Variants in TLK1 observed in about 807,000 individuals in gnomAD.
TLK1 encodes serine/threonine-protein kinase tousled-like 1.
Under a neutral mutation model 105.3 loss-of-function variants are expected in TLK1, and 24 were observed. The observed-to-expected ratio is 0.23, with a 90% confidence interval of 0.17 to 0.32. The LOEUF is 0.32. Among genes scored for constraint, TLK1 ranks in the 10% least tolerant of loss-of-function variants. The pLI, the probability that TLK1 is intolerant of heterozygous loss-of-function variation, is 1.00. For synonymous variants in TLK1, 321 were observed against 310.4 expected, an observed-to-expected ratio of 1.03 and a Z score of -0.36; for missense variants, 558 against 910.5, an observed-to-expected ratio of 0.61 and a Z score of 4.98.
At chr2:171,157,090 G>A (rs1692268254) in intron 1 of TLK1, among the ~76,000 whole-genome samples, 1 of 152,184 alleles carries the variant, frequency 6.6e-6, no homozygotes, top group African/African-American at 2.4e-5. Context: ...ACAGGCTTGA[G>A]CCACCACTCC....
chr2:171,184,382 C>T (rs1692984040), intron 1 of TLK1, among the ~76,000 whole-genome samples: 1 of 152,150 alleles, frequency 6.6e-6, no homozygotes, highest in South Asian at 2.1e-4. Flanking sequence ...GTGCCTCACG[C>T]CTGTGATCCC....
At chr2:171,103,282 A>ATATATATATAT (rs55949414) in intron 2 of TLK1, among the ~76,000 whole-genome samples, 9 of 147,952 alleles carry the variant, frequency 6.1e-5, no homozygotes, top group African/African-American at 1.6e-4. Flanking sequence ...ATATATATAT[A>ATATATATATAT]ATTTTTTTTG....
At chr2:171,038,869 G>A (rs1474976474) in intron 11 of TLK1, among the ~76,000 whole-genome samples, 1 of 152,120 alleles carries the variant, frequency 6.6e-6, no homozygotes, top group Admixed American at 6.6e-5. Context: ...TGCATGCACT[G>A]TGTGTTTTGT....
chr2:171,024,197 A>G (rs1575525696), intron 12 of TLK1, among the ~76,000 whole-genome samples: 1 of 152,152 alleles, frequency 6.6e-6, no homozygotes, highest in East Asian at 1.9e-4. Flanking sequence ...GTCTCCATAC[A>G]TTTTACTATA....
At chr2:171,152,876 ATC>A (rs1692097469) in intron 1 of TLK1, among the ~76,000 whole-genome samples, 1 of 152,196 alleles carries the variant, frequency 6.6e-6, no homozygotes, top group Non-Finnish European at 1.5e-5. Flanking sequence ...TCATTGATGT[ATC>A]TCTAACATTT....
chr2:171,109,032 A>G (rs1382901003), intron 2 of TLK1, among the ~76,000 whole-genome samples: 2 of 152,256 alleles, frequency 1.3e-5, no homozygotes, highest in Non-Finnish European at 2.9e-5. Context: ...ATACACATGT[A>G]AAAATACTGC....
At chr2:171,010,707 G>A (rs904255353) in intron 14 of TLK1, among the ~76,000 whole-genome samples, 7 of 151,762 alleles carry the variant, frequency 4.6e-5, no homozygotes, top group East Asian at 1.9e-4. Context: ...TTTGAGAAAC[G>A]GACTTGACAT....
intron 3 of TLK1, among the ~76,000 whole-genome samples, chr2:171,070,617 T>C (rs151235043): frequency 6.6e-6 from 1 of 152,332 alleles, no homozygotes; most frequent in African/African-American, 2.4e-5. Context: ...CATTCTTTCT[T>C]ATGGCTGAAT....
At chr2:171,100,883 T>A (rs1689660865) in intron 2 of TLK1, among the ~76,000 whole-genome samples, 1 of 152,060 alleles carries the variant, frequency 6.6e-6, no homozygotes, top group South Asian at 2.1e-4. Context: ...TTCCTAACAG[T>A]TCATAACATT....
At chr2:171,159,939 A>C in intron 1 of TLK1, 1 of 204,802 alleles carries the variant, frequency 4.9e-6, no homozygotes, top group East Asian at 1.1e-4. Flanking sequence ...GGTTAAGAGT[A>C]CTGAGTGTAC....
intron 2 of TLK1, among the ~76,000 whole-genome samples, chr2:171,097,467 C>G (rs1334664196): frequency 6.6e-6 from 1 of 152,062 alleles, no homozygotes; most frequent in Non-Finnish European, 1.5e-5. Flanking sequence ...CAAAAATAAA[C>G]AAATGATATT....
intron 3 of TLK1, among the ~76,000 whole-genome samples, chr2:171,063,955 T>C (rs1039957486): frequency 6.6e-6 from 1 of 152,230 alleles, no homozygotes; most frequent in Non-Finnish European, 1.5e-5. Context: ...TTGTTTAACA[T>C]ACAGATTACT....
In TLK1 at chr2:171,050,076, A is replaced by C. The variant is rs1284939866; in HGVS notation, c.831T>G (p.Leu277=). ...LNKCISMSKK[L]LIEKSTQEKL... ...ACTTTTAGCCTACCTTTTCAATAAG[A>C]AGTTTCTTGCTCATTGATATGCACT... Residue 277 remains leucine, a synonymous_variant, in exon 9 of 21, where the codon CTT becomes CTG. Coordinates refer to ENST00000431350, the MANE Select transcript of TLK1 (RefSeq NM_012290.5). 1.9e-6 allele frequency: 3 copies of C among 1,603,068 alleles called. No individual in the cohort carries two copies. The highest frequency in any genetic ancestry group is 1.7e-4 in the Middle Eastern group (1 of 6,032).
At chr2:171,016,195 G>A (rs113284018) in intron 12 of TLK1, among the ~76,000 whole-genome samples, 9,566 of 152,198 alleles carry the variant, frequency 0.063, 376 homozygotes, top group South Asian at 0.11. Context: ...AGGCTGGAGC[G>A]CAGTGGCATG....
At chr2:171,168,301 A>G (rs1692647784) in intron 1 of TLK1, among the ~76,000 whole-genome samples, 1 of 152,196 alleles carries the variant, frequency 6.6e-6, no homozygotes, top group South Asian at 2.1e-4. Context: ...ATAACCTCAT[A>G]TGAATTTAGA....
chr2:171,050,968 G>A (rs1558909548), intron 8 of TLK1, among the ~76,000 whole-genome samples: 1 of 152,178 alleles, frequency 6.6e-6, no homozygotes, highest in Non-Finnish European at 1.5e-5. Flanking sequence ...AAAAGTCTAG[G>A]CCAACCATGG....
intron 20 of TLK1, among the ~76,000 whole-genome samples, chr2:170,996,234 G>C (rs1465827955): frequency 2.0e-5 from 3 of 151,962 alleles, no homozygotes; most frequent in Non-Finnish European, 2.9e-5. Flanking sequence ...CCTGACCTCA[G>C]ATGATCTGCC....
chr2:171,151,083 G>A (rs565993454), intron 1 of TLK1, among the ~76,000 whole-genome samples: 4 of 151,490 alleles, frequency 2.6e-5, no homozygotes, highest in Admixed American at 6.6e-5. Flanking sequence ...GTGTAGTGGC[G>A]TAATCACGGC....
At chr2:171,059,895 GC>G in intron 4 of TLK1, 2 of 1,112,080 alleles carry the variant, frequency 1.8e-6, no homozygotes, top group Non-Finnish European at 2.8e-6. Context: ...CCGAGCTTAG[GC>G]GGTAATGCTC....
Sources: allele counts gnomAD v4.1 joint callset (sites outside exome capture counted in the v4.1 genomes callset), GRCh38; gene constraint gnomAD v4.1.1; transcripts MANE v1.5; gene names NCBI Gene and HGNC (gene_info 2026-07-23, HGNC 2026-07-21).